The following ADGRD1 variants were observed in gnomAD, a reference collection of about 807,000 sequenced individuals.
ADGRD1 encodes the protein adhesion G protein-coupled receptor D1, also known as G-protein coupled receptor 133.
A neutral mutation model predicts 113.4 loss-of-function variants in ADGRD1; 77 were observed. That is an observed-to-expected ratio of 0.68 (90% CI 0.57 to 0.82). ADGRD1 has a LOEUF of 0.82. Among genes scored for constraint, ADGRD1 ranks in the 40% least tolerant of loss-of-function variants. ADGRD1 has a pLI of 0.00. For synonymous variants in ADGRD1, 474 were observed against 475.0 expected, an observed-to-expected ratio of 1.00 and a Z score of 0.03; for missense variants, 1,036 against 1,139.1, an observed-to-expected ratio of 0.91 and a Z score of 1.30.
chr12:130,994,799 G>A (rs1875013942), intron 8 of ADGRD1, among the ~76,000 whole-genome samples: 1 of 152,242 alleles, frequency 6.6e-6, no homozygotes, highest in Non-Finnish European at 1.5e-5. Context: ...TGCTGGGCTT[G>A]GTGCTGGGGA....
intron 8 of ADGRD1, among the ~76,000 whole-genome samples, chr12:130,998,869 AT>A (rs1875960721): frequency 6.6e-6 from 1 of 152,218 alleles, no homozygotes; most frequent in East Asian, 1.9e-4. Context: ...TGAGGCAGTG[AT>A]TAGCTACGTG....
At chr12:130,972,596 A>G (rs1174259282) in intron 4 of ADGRD1, among the ~76,000 whole-genome samples, 1 of 152,136 alleles carries the variant, frequency 6.6e-6, no homozygotes, top group Admixed American at 6.6e-5. Context: ...CTCCATAAAC[A>G]TCCCAGGCTT....
chr12:131,117,998 C>G (rs537448981), intron 18 of ADGRD1, among the ~76,000 whole-genome samples: 1 of 152,230 alleles, frequency 6.6e-6, no homozygotes. Flanking sequence ...ATGACTTAAG[C>G]CATTGCCAGT....
chr12:130,954,523 A>C lies in ADGRD1; in HGVS notation c.58A>C (p.Asn20His). Reference sequence around the variant, plus strand: ...CTCCTGGCTGCTGCTATTTTATTACAACTTTCAGGTAATGTCCCCAAGTGG... The same window carrying C: ...CTCCTGGCTGCTGCTATTTTATTACCACTTTCAGGTAATGTCCCCAAGTGG... ...WYSWLLLFYY[N>H]FQVRGVYSRS... Residue 20 changes from asparagine to histidine, a missense_variant, in exon 1 of 25, where the codon AAC becomes CAC. Coordinates refer to ENST00000261654, the MANE Select transcript of ADGRD1 (RefSeq NM_198827.5). The surrounding 1 kb of genome is among the most constrained non-coding windows in gnomAD (Gnocchi z 4.7). The C allele has an allele frequency of 6.2e-7, 1 of 1,605,524 alleles. No individual in the cohort carries two copies. The highest frequency in any genetic ancestry group is 8.5e-7 in the Non-Finnish European group (1 of 1,175,068).
chr12:131,069,823 C>T (rs1447389253), intron 13 of ADGRD1: 1 of 152,114 alleles, frequency 6.6e-6, no homozygotes, highest in Admixed American at 6.5e-5. Context: ...CAAAAATAAG[C>T]CCTAATGAGA....
At chr12:131,008,082 G>A (rs1191100759) in intron 12 of ADGRD1, among the ~76,000 whole-genome samples, 2 of 152,216 alleles carry the variant, frequency 1.3e-5, no homozygotes, top group African/African-American at 4.8e-5. Flanking sequence ...CTTAAAACAG[G>A]AGTAATAATA....
chr12:130,969,264 A>G (rs1343350005), intron 3 of ADGRD1: 1 of 567,828 alleles, frequency 1.8e-6, no homozygotes, highest in Non-Finnish European at 3.1e-6. Context: ...GAAGATTGCA[A>G]TACATTAGAA....
chr12:131,137,717 C>A, intron 23 of ADGRD1: 1 of 263,182 alleles, frequency 3.8e-6, no homozygotes, highest in Non-Finnish European at 7.5e-6. Flanking sequence ...TGCATGATCA[C>A]AAAGCCCAGT....
rs190371196 is a variant in ADGRD1, at chr12:131,077,319, T to A, written c.1547+445T>A. On this transcript the variant is annotated intron_variant, in intron 14 of 24. Transcript: ENST00000261654. ...CCTTGCCGGCTCCACTGGAGCAGGC[T>A]GACCATCAGGCCTGCCTAAAACTCT... Among the ~76,000 whole-genome samples, 13 of 152,288 alleles carry A rather than the reference T, an allele frequency of 8.5e-5. No homozygotes were observed. The East Asian group carries it at 9.7e-4, about 11-fold the overall frequency.
intron 13 of ADGRD1, among the ~76,000 whole-genome samples, chr12:131,039,304 C>T (rs974683150): frequency 5.9e-5 from 9 of 152,248 alleles, no homozygotes; most frequent in African/African-American, 1.2e-4. Flanking sequence ...TCCAGCTCAG[C>T]CCCCAGTCCC....
intron 9 of ADGRD1, among the ~76,000 whole-genome samples, chr12:131,000,942 G>T (rs1593331532): frequency 6.6e-6 from 1 of 152,272 alleles, no homozygotes; most frequent in East Asian, 1.9e-4. Flanking sequence ...AACTGATTCA[G>T]AATGCCTTGT....
intron 15 of ADGRD1, among the ~76,000 whole-genome samples, chr12:131,086,038 G>A (rs1482343491): frequency 6.6e-6 from 1 of 152,146 alleles, no homozygotes; most frequent in African/African-American, 2.4e-5. Flanking sequence ...CCAAGCTCAG[G>A]TGGTTCCCAG....
intron 15 of ADGRD1, among the ~76,000 whole-genome samples, chr12:131,095,761 G>T (rs1280786080): frequency 6.6e-6 from 1 of 152,212 alleles, no homozygotes; most frequent in African/African-American, 2.4e-5. Flanking sequence ...TGAGTGTGTT[G>T]AATCTTGGGA....
intron 17 of ADGRD1, among the ~76,000 whole-genome samples, chr12:131,107,094 C>T (rs1451294385): frequency 1.3e-5 from 2 of 152,158 alleles, no homozygotes; most frequent in Non-Finnish European, 1.5e-5. Flanking sequence ...GCTGGTGGCC[C>T]TAGGGGACTG....
chr12:131,049,762 C>T (rs1883193587), intron 13 of ADGRD1, among the ~76,000 whole-genome samples: 1 of 152,168 alleles, frequency 6.6e-6, no homozygotes, highest in African/African-American at 2.4e-5. Context: ...GTGGGGCTGC[C>T]TTTAGGAATG....
chr12:131,042,756 G>A (rs12370258), intron 13 of ADGRD1, among the ~76,000 whole-genome samples: 9 of 152,092 alleles, frequency 5.9e-5, no homozygotes, highest in Non-Finnish European at 1.3e-4. Context: ...CAACACAAAG[G>A]CTGTTCCTCC....
intron 20 of ADGRD1, among the ~76,000 whole-genome samples, chr12:131,124,018 A>G (rs1214766265): frequency 6.6e-6 from 1 of 152,246 alleles, no homozygotes; most frequent in East Asian, 1.9e-4. Flanking sequence ...CGTGGCCCGC[A>G]AAGCCAAAAA....
Position 131,075,728 on chromosome 12 carries a change from C to G in ADGRD1, c.1474-1073C>G, listed in dbSNP as rs1197227558. ...TCCTGGGAAAGGAGGGGCTTTTGGT[C>G]GAGGCCAGGATGGCGCTCATGAGGG... is the stretch of plus-strand genomic sequence containing the variant. On this transcript the variant is annotated intron_variant, in intron 13 of 24. Coordinates refer to ENST00000261654, the MANE Select transcript of ADGRD1 (RefSeq NM_198827.5). This position sits in a 1 kb window ranked among gnomAD's most constrained non-coding sequence, Gnocchi z 5.3. Among the ~76,000 whole-genome samples, 1 of 152,104 alleles carries G rather than the reference C, an allele frequency of 6.6e-6. No individual in the cohort carries two copies. Among genetic ancestry groups the G allele is most frequent in the East Asian group, 1.9e-4 (1 of 5,182 alleles).
chr12:131,008,783 C>G (rs1453278863), intron 12 of ADGRD1, among the ~76,000 whole-genome samples: 1 of 152,218 alleles, frequency 6.6e-6, no homozygotes, highest in East Asian at 1.9e-4. Context: ...CTGAGACTGG[C>G]CTGCTCCCAG....
Sources: allele counts gnomAD v4.1 joint callset (sites outside exome capture counted in the v4.1 genomes callset), GRCh38; gene constraint gnomAD v4.1.1; non-coding constraint Gnocchi (gnomAD v3.1); transcripts MANE v1.5; gene names NCBI Gene and HGNC (gene_info 2026-07-23, HGNC 2026-07-21).